The following RNLS variants were observed in gnomAD, a reference collection of about 807,000 sequenced individuals.
The protein encoded by RNLS is renalase.
A neutral mutation model predicts 39.8 loss-of-function variants in RNLS; 39 were observed. That is an observed-to-expected ratio of 0.98 (90% CI 0.76 to 1.28). The LOEUF (loss-of-function observed/expected upper bound fraction) is 1.28. Among genes scored for constraint, RNLS ranks in the 50% most tolerant of loss-of-function variants. The pLI, the probability that RNLS is intolerant of heterozygous loss-of-function variation, is 0.00. For missense variants in RNLS, 410 were observed against 413.3 expected (o/e 0.99, Z 0.07); for synonymous variants, 147 against 150.7 (o/e 0.98, Z 0.18).
intron 5 of RNLS, among the ~76,000 whole-genome samples, chr10:88,340,588 T>C (rs148569816): frequency 2.0e-5 from 3 of 152,338 alleles, no homozygotes; most frequent in African/African-American, 2.4e-5. Context: ...TGTTTTATGA[T>C]ACTACCTCTT....
intron 4 of RNLS, among the ~76,000 whole-genome samples, chr10:88,543,775 T>C (rs1016094314): frequency 1.3e-5 from 2 of 152,184 alleles, no homozygotes; most frequent in Admixed American, 1.3e-4. Flanking sequence ...AGTGGGTTCC[T>C]ACAAGTTAGT....
chr10:88,310,893 T>C (rs145901669), intron 6 of RNLS, among the ~76,000 whole-genome samples: 1 of 148,870 alleles, frequency 6.7e-6, no homozygotes, highest in East Asian at 2.0e-4. Context: ...TGAAGATATA[T>C]AACTACAGAA....
At chr10:88,228,510 C>T in the RNLS span, among the ~76,000 whole-genome samples, 1 of 152,176 alleles carries the variant, frequency 6.6e-6, no homozygotes, top group Non-Finnish European at 1.5e-5. Context: ...TACCATTTTC[C>T]GTGTGCCTGG....
the RNLS span, among the ~76,000 whole-genome samples, chr10:88,246,839 T>C: frequency 6.6e-6 from 1 of 152,226 alleles, no homozygotes; most frequent in South Asian, 2.1e-4. Context: ...ACAACCATTT[T>C]ACATGTGTAA....
At chr10:88,181,439 A>G in the RNLS span, among the ~76,000 whole-genome samples, 1 of 152,176 alleles carries the variant, frequency 6.6e-6, no homozygotes, top group Non-Finnish European at 1.5e-5. Flanking sequence ...GACTTACAGA[A>G]CTTTAATATA....
At chr10:88,371,288 G>T (rs3891323) in intron 4 of RNLS, among the ~76,000 whole-genome samples, 1 of 151,868 alleles carries the variant, frequency 6.6e-6, no homozygotes, top group Non-Finnish European at 1.5e-5. Flanking sequence ...AAAGCCTTCA[G>T]GGGTGTCTAT....
At chr10:88,372,121 G>A (rs1418719746) in intron 4 of RNLS, among the ~76,000 whole-genome samples, 2 of 152,102 alleles carry the variant, frequency 1.3e-5, no homozygotes, top group Non-Finnish European at 2.9e-5. Context: ...TTCAGCTTCC[G>A]TGATTAAACA....
At chr10:88,432,728 ACT>A (rs1161464718) in intron 4 of RNLS, among the ~76,000 whole-genome samples, 5 of 151,816 alleles carry the variant, frequency 3.3e-5, no homozygotes, top group African/African-American at 1.2e-4. Context: ...TCTCTGTAAG[ACT>A]CTATGGTTAT....
chr10:88,473,822 G>T (rs1423404547), intron 4 of RNLS, among the ~76,000 whole-genome samples: 1 of 151,992 alleles, frequency 6.6e-6, no homozygotes, highest in Non-Finnish European at 1.5e-5. Flanking sequence ...TAAATAAAAA[G>T]CCATATATAT....
chr10:88,467,672 G>T (rs939665235), intron 4 of RNLS, among the ~76,000 whole-genome samples: 1 of 152,072 alleles, frequency 6.6e-6, no homozygotes, highest in Non-Finnish European at 1.5e-5. Context: ...AAAAATGCCT[G>T]AGTCCCAACA....
the RNLS span, among the ~76,000 whole-genome samples, chr10:88,266,831 A>T: frequency 6.9e-6 from 1 of 145,232 alleles, no homozygotes; most frequent in East Asian, 2.0e-4. Flanking sequence ...TTCTCCCTTT[A>T]AGAGAACCTG....
chr10:88,228,253 T>C, the RNLS span, among the ~76,000 whole-genome samples: 7 of 152,346 alleles, frequency 4.6e-5, no homozygotes, highest in East Asian at 1.2e-3. Context: ...TTATTTCTTG[T>C]ACATGCAATG....
intron 4 of RNLS, among the ~76,000 whole-genome samples, chr10:88,410,450 C>T (rs1234726431): frequency 6.6e-6 from 1 of 152,098 alleles, no homozygotes; most frequent in Non-Finnish European, 1.5e-5. Context: ...ACTCTCTTGA[C>T]ATTTTGTTAC....
At chr10:88,485,854 A>G (rs1844478843) in intron 4 of RNLS, among the ~76,000 whole-genome samples, 1 of 152,026 alleles carries the variant, frequency 6.6e-6, no homozygotes, top group Non-Finnish European at 1.5e-5. Context: ...CTTGACACTG[A>G]AAATTTCTTT....
rs61477690 is a variant in RNLS at position 88,581,294 on chromosome 10, G to GTATATATATATATATATATA, written c.367+253_367+272dup. ...AATATATATGTATGTGTGTGTGTGTGTATATATATATATATATATATACAT... is the reference window on the plus strand; with the variant it reads ...AATATATATGTATGTGTGTGTGTGTGTATATATATATATATATATATATATATATATATATATATATACAT... On this transcript the variant is annotated intron_variant, in intron 3 of 6. Coordinates refer to ENST00000331772, the MANE Select transcript of RNLS (RefSeq NM_001031709.3). Among the ~76,000 whole-genome samples the GTATATATATATATATATATA allele has an allele frequency of 2.7e-3, 347 of 129,758 alleles. 1 individual carries two copies. Among genetic ancestry groups the GTATATATATATATATATATA allele is most frequent in the African/African-American group, 4.5e-3 (151 of 33,586 alleles). 85.1% of individuals were successfully genotyped at this position (129,758 alleles called of 152,430 possible).
At chr10:88,500,485 C>T (rs866937678) in intron 4 of RNLS, among the ~76,000 whole-genome samples, 1 of 152,088 alleles carries the variant, frequency 6.6e-6, no homozygotes, top group Non-Finnish European at 1.5e-5. Context: ...GGGTTGTGAA[C>T]GTTTCTCTAA....
At chr10:88,525,011 ATACT>A (rs1315146918) in intron 4 of RNLS, among the ~76,000 whole-genome samples, 1 of 137,928 alleles carries the variant, frequency 7.3e-6, no homozygotes, top group East Asian at 2.2e-4. Flanking sequence ...ACACACACAC[ATACT>A]ATGTACCCAC....
chr10:88,322,751 C>T (rs1442560699), intron 5 of RNLS, among the ~76,000 whole-genome samples: 1 of 152,118 alleles, frequency 6.6e-6, no homozygotes, highest in Non-Finnish European at 1.5e-5. Context: ...TCTCATTTCT[C>T]CTATTCAACA....
chr10:88,385,902 A>ACTT (rs1305195462), intron 4 of RNLS, among the ~76,000 whole-genome samples: 2 of 152,142 alleles, frequency 1.3e-5, no homozygotes, highest in Non-Finnish European at 2.9e-5. Flanking sequence ...GGCTTGCAAA[A>ACTT]CTTTAATTAT....
Sources: allele counts gnomAD v4.1 joint callset (sites outside exome capture counted in the v4.1 genomes callset), GRCh38; gene constraint gnomAD v4.1.1; transcripts MANE v1.5; gene names NCBI Gene and HGNC (gene_info 2026-07-23, HGNC 2026-07-21).